The following CAMK2D variants were observed in gnomAD, a reference collection of about 807,000 sequenced individuals.
CAMK2D encodes calcium/calmodulin-dependent protein kinase type II subunit delta.
In CAMK2D, 37 loss-of-function variants were observed where a neutral mutation model predicts 84.0. The observed-to-expected ratio is 0.44, with a 90% CI of 0.34 to 0.58. The LOEUF is 0.58. CAMK2D is among the 20% of genes least tolerant of loss of function. The probability of loss-of-function intolerance (pLI) is 0.02; values close to 1 mark genes in which losing one functional copy is unlikely to be tolerated. For synonymous variants in CAMK2D, 202 were observed against 212.5 expected, an observed-to-expected ratio of 0.95 and a Z score of 0.43; for missense variants, 448 against 652.5, an observed-to-expected ratio of 0.69 and a Z score of 3.41.
chr4:113,664,478 G>A (rs1009975158), intron 2 of CAMK2D, among the ~76,000 whole-genome samples: 1 of 152,152 alleles, frequency 6.6e-6, no homozygotes, highest in Non-Finnish European at 1.5e-5. Context: ...AGCTGGCATA[G>A]TTGTTGGCAG....
intron 4 of CAMK2D, among the ~76,000 whole-genome samples, chr4:113,577,143 A>AT (rs923830807): frequency 2.6e-5 from 4 of 152,112 alleles, no homozygotes; most frequent in African/African-American, 9.6e-5. Context: ...ACATTTGAGA[A>AT]TTTTTACTGC....
At chr4:113,621,569 G>A (rs941468375) in intron 3 of CAMK2D, among the ~76,000 whole-genome samples, 1 of 152,154 alleles carries the variant, frequency 6.6e-6, no homozygotes, top group Admixed American at 6.5e-5. Context: ...TGGGATAAAT[G>A]AGTAGCTTCA....
At chr4:113,657,759 T>C (rs909147908) in intron 3 of CAMK2D, among the ~76,000 whole-genome samples, 1 of 152,170 alleles carries the variant, frequency 6.6e-6, no homozygotes, top group Admixed American at 6.5e-5. Context: ...GTTTTCAAGA[T>C]TATTGATTCT....
At chr4:113,630,932 G>A (rs1156750047) in intron 3 of CAMK2D, among the ~76,000 whole-genome samples, 1 of 152,074 alleles carries the variant, frequency 6.6e-6, no homozygotes, top group Non-Finnish European at 1.5e-5. Context: ...CAAATACTGT[G>A]GATATGCCAA....
intron 2 of CAMK2D, among the ~76,000 whole-genome samples, chr4:113,668,080 G>A (rs978441531): frequency 1.3e-5 from 2 of 151,940 alleles, no homozygotes; most frequent in Admixed American, 6.6e-5. Context: ...TATATGGCCT[G>A]GAAACCATGG....
chr4:113,610,626 T>C (rs545939554), intron 3 of CAMK2D, among the ~76,000 whole-genome samples: 4 of 152,234 alleles, frequency 2.6e-5, no homozygotes, highest in Admixed American at 1.3e-4. Context: ...GTTTGTAAAA[T>C]ATGAATTTTC....
intron 8 of CAMK2D, among the ~76,000 whole-genome samples, chr4:113,523,848 T>G (rs564633234): frequency 1.1e-4 from 16 of 152,084 alleles, no homozygotes; most frequent in Admixed American, 5.2e-4. Context: ...GATCTTTTTT[T>G]TTGTTGTTTT....
At chr4:113,591,952 G>T (rs1246087905) in intron 4 of CAMK2D, among the ~76,000 whole-genome samples, 1 of 152,072 alleles carries the variant, frequency 6.6e-6, no homozygotes, top group East Asian at 1.9e-4. Flanking sequence ...TCTCTACTAG[G>T]TTGTAAGCTC....
intron 3 of CAMK2D, among the ~76,000 whole-genome samples, chr4:113,636,726 C>G (rs1309022377): frequency 6.6e-6 from 1 of 152,120 alleles, no homozygotes; most frequent in Non-Finnish European, 1.5e-5. Flanking sequence ...TATAAAAACA[C>G]TCACGCTATC....
At chr4:113,658,966 G>A (rs781317289) in intron 3 of CAMK2D, among the ~76,000 whole-genome samples, 3 of 152,222 alleles carry the variant, frequency 2.0e-5, no homozygotes, top group South Asian at 2.1e-4. Flanking sequence ...ATGGATCCTC[G>A]CAAAAAGATG....
At position 113,504,978 on chromosome 4, in the gene CAMK2D, G is replaced by A; in HGVS notation, c.1042C>T (p.Leu348=). 1 of 1,562,562 alleles carries A rather than the reference G, an allele frequency of 6.4e-7. No individual in the cohort carries two copies. The highest frequency in any genetic ancestry group is 8.6e-7 in the Non-Finnish European group (1 of 1,158,776). Residue 348 remains leucine (L), a splice_region_variant and synonymous_variant, in exon 14 of 21, where the codon CTG becomes TTG. Coordinates refer to ENST00000511664, the MANE Select transcript of CAMK2D (RefSeq NM_001321571.2). ...GGTTACAAAGAGTCCAGGTATACCAGCGCTGGGGTAGGAATATTTTCTTTG... is the reference window on the plus strand; with the variant it reads ...GGTTACAAAGAGTCCAGGTATACCAACGCTGGGGTAGGAATATTTTCTTTG... ...SPKENIPTPA[L]EPQTTVIHNP...
chr4:113,707,649 A>C (rs2154352413), intron 2 of CAMK2D, among the ~76,000 whole-genome samples: 1 of 152,330 alleles, frequency 6.6e-6, no homozygotes, highest in East Asian at 1.9e-4. Flanking sequence ...TACTTTATCA[A>C]GACAAATATA....
At chr4:113,566,979 G>A (rs1165763937) in intron 4 of CAMK2D, among the ~76,000 whole-genome samples, 2 of 151,914 alleles carry the variant, frequency 1.3e-5, no homozygotes, top group South Asian at 2.1e-4. Flanking sequence ...CTGTATTCCA[G>A]GACTTGGCAG....
intron 10 of CAMK2D, 63 bp downstream of exon 10, chr4:113,515,006 A>C: frequency 1.4e-6 from 2 of 1,424,142 alleles, no homozygotes; most frequent in Non-Finnish European, 2.0e-6. Flanking sequence ...TCCATAAACA[A>C]TATATTAAAG....
At chr4:113,613,112 TA>T (rs2099007379) in intron 3 of CAMK2D, among the ~76,000 whole-genome samples, 1 of 152,160 alleles carries the variant, frequency 6.6e-6, no homozygotes, top group South Asian at 2.1e-4. Context: ...AAAGATATAA[TA>T]AAACTTATGT....
intron 2 of CAMK2D, among the ~76,000 whole-genome samples, chr4:113,691,229 A>C (rs1034234772): frequency 6.6e-6 from 1 of 152,212 alleles, no homozygotes; most frequent in African/African-American, 2.4e-5. Flanking sequence ...TACAAGACTG[A>C]AAACTCTACC....
At chr4:113,609,235 T>A in intron 3 of CAMK2D, 29 bp from the exon 4 acceptor site, 1 of 1,228,654 alleles carries the variant, frequency 8.1e-7, no homozygotes, top group Non-Finnish European at 1.2e-6. Context: ...AGAAAAATTG[T>A]GTTATACCTA....
intron 4 of CAMK2D, among the ~76,000 whole-genome samples, chr4:113,601,136 T>G (rs2098950284): frequency 6.6e-6 from 1 of 152,172 alleles, no homozygotes; most frequent in African/African-American, 2.4e-5. Flanking sequence ...GAGACAAGTT[T>G]ATATCTTATC....
intron 4 of CAMK2D, among the ~76,000 whole-genome samples, chr4:113,601,807 G>A (rs1014754000): frequency 4.1e-4 from 59 of 143,454 alleles, no homozygotes; most frequent in African/African-American, 1.4e-3. Context: ...GTGATTTTCC[G>A]CCTCAGCCAC....
Sources: allele counts gnomAD v4.1 joint callset (sites outside exome capture counted in the v4.1 genomes callset), GRCh38; gene constraint gnomAD v4.1.1; transcripts MANE v1.5; gene names NCBI Gene and HGNC (gene_info 2026-07-23, HGNC 2026-07-21).